Variants in FMN2 observed in about 807,000 individuals in gnomAD.
FMN2 encodes the protein formin-2.
Under a neutral mutation model 142.3 loss-of-function variants are expected in FMN2, and 51 were observed. The observed-to-expected ratio is 0.36, with a 90% confidence interval of 0.29 to 0.45. FMN2 has a LOEUF of 0.45. Among genes scored for constraint, FMN2 ranks in the 20% least tolerant of loss-of-function variants. The pLI is 1.00. For synonymous variants in FMN2, 882 were observed against 869.8 expected (o/e 1.01, Z -0.25); for missense variants, 1,936 against 2,122.8 (o/e 0.91, Z 1.73).
At chr1:240,131,663 C>T (rs924063868) in intron 2 of FMN2, among the ~76,000 whole-genome samples, 4 of 151,864 alleles carry the variant, frequency 2.6e-5, no homozygotes, top group South Asian at 2.1e-4. Flanking sequence ...GAGCCAAGAT[C>T]GCACTATTGC....
At position 240,207,567 on chromosome 1, in the gene FMN2, G is replaced by C; in HGVS notation, c.2755G>C (p.Gly919Arg). The C allele has an allele frequency of 6.2e-7, 1 of 1,606,408 alleles. No individual in the cohort carries two copies. Among genetic ancestry groups the C allele is most frequent in the East Asian group, 2.3e-5 (1 of 44,286 alleles). The part of the protein sequence containing the change: ...PPPPPPLPGA[G>R]IPPPPPLPGA... ...CCCTCCCCCTCCTCTTCCCGGAGCGGGCATACCTCCTCCGCCGCCTCTACC... is the reference window on the plus strand; with the variant it reads ...CCCTCCCCCTCCTCTTCCCGGAGCGCGCATACCTCCTCCGCCGCCTCTACC... The change falls in exon 5 of 18, where the codon GGC becomes CGC. Residue 919 changes from glycine (G) to arginine (R), a missense_variant. By Grantham distance (125) the Gly-to-Arg change is moderately radical (BLOSUM62 -2). This residue lies in a region of FMN2 where 478 missense variants were observed against 462.8 expected (regional missense o/e 1.03). Coordinates refer to ENST00000319653, the MANE Select transcript of FMN2 (RefSeq NM_020066.5).
At chr1:240,326,494 CT>C (rs147933311) in intron 8 of FMN2, among the ~76,000 whole-genome samples, 14,329 of 152,180 alleles carry the variant, frequency 0.094, 870 homozygotes, top group Admixed American at 0.2. Context: ...AATTATTACT[CT>C]GATTTACTTT....
intron 7 of FMN2, among the ~76,000 whole-genome samples, chr1:240,268,112 T>C (rs1481517065): frequency 6.6e-6 from 1 of 152,004 alleles, no homozygotes; most frequent in Non-Finnish European, 1.5e-5. Context: ...CAACTCTCAT[T>C]AGACCCAGTG....
intron 2 of FMN2, among the ~76,000 whole-genome samples, chr1:240,151,986 C>A (rs1474088834): frequency 6.6e-6 from 1 of 152,008 alleles, no homozygotes; most frequent in African/African-American, 2.4e-5. Flanking sequence ...AGGCTGCTCT[C>A]GAACTCCTGG....
intron 8 of FMN2, among the ~76,000 whole-genome samples, chr1:240,296,934 CA>C (rs1334125521): frequency 6.6e-5 from 10 of 152,154 alleles, no homozygotes; most frequent in Non-Finnish European, 1.5e-4. Flanking sequence ...TTAGTATATT[CA>C]CATTCCAATG....
intron 8 of FMN2, among the ~76,000 whole-genome samples, chr1:240,303,605 T>A (rs1287606215): frequency 6.6e-6 from 1 of 152,226 alleles, no homozygotes; most frequent in Non-Finnish European, 1.5e-5. Flanking sequence ...TGACTTTGTC[T>A]TTCAAAAGTT....
rs73124161 is a variant in FMN2 at position 240,335,362 on chromosome 1, A to G, written c.4765+1133A>G. Among the ~76,000 whole-genome samples the G allele has an allele frequency of 3.7e-3, 565 of 151,002 alleles. 6 individuals carry two copies. The highest frequency in any genetic ancestry group is 0.013 in the African/African-American group (540 of 40,340). On this transcript the variant is annotated intron_variant, in intron 13 of 17. Transcript: ENST00000319653. ...CTTGCTCTGTTTTTCATACAATAAT[A>G]ATAAATAAAACTATGTTACATTTGT...
chr1:240,280,199 T>C (rs1669351106), intron 7 of FMN2, among the ~76,000 whole-genome samples: 1 of 152,178 alleles, frequency 6.6e-6, no homozygotes, highest in Non-Finnish European at 1.5e-5. Flanking sequence ...AATGTTTACA[T>C]ATACTAAAGA....
At position 240,188,354 on chromosome 1, in the gene FMN2, G is replaced by A. The variant is rs943701933; in HGVS notation, c.1986+92G>A. On this transcript the variant is annotated intron_variant, in intron 4 of 17. Coordinates refer to ENST00000319653, the MANE Select transcript of FMN2 (RefSeq NM_020066.5). ...CTGCGATTTATCTTTCCATCTGCCC[G>A]GCTGGCTAGGATGCCCTTGTTTTCC... The A allele has an allele frequency of 5.9e-5, 80 of 1,359,426 alleles. 1 individual carries two copies. The South Asian group carries it at 6.9e-4, about 12-fold the overall frequency. 84.2% of individuals were successfully genotyped at this position (1,359,426 alleles called of 1,614,324 possible). A position where few individuals can be genotyped will look rare whatever the true frequency, so the allele number is the denominator to read the frequency against.
chr1:240,249,618 G>A (rs950926571), intron 6 of FMN2, among the ~76,000 whole-genome samples: 1 of 151,870 alleles, frequency 6.6e-6, no homozygotes, highest in Admixed American at 6.6e-5. Context: ...AGAATTTTAC[G>A]GTTGCTTTTG....
chr1:240,141,688 G>T (rs1382440182), intron 2 of FMN2, among the ~76,000 whole-genome samples: 1 of 152,080 alleles, frequency 6.6e-6, no homozygotes, highest in Non-Finnish European at 1.5e-5. Flanking sequence ...TAAACATCAT[G>T]GTGAAATGAG....
At chr1:240,264,464 G>C (rs946686220) in intron 7 of FMN2, among the ~76,000 whole-genome samples, 1 of 152,044 alleles carries the variant, frequency 6.6e-6, no homozygotes, top group African/African-American at 2.4e-5. Context: ...TACATGCCAT[G>C]GTGGTTTGTT....
intron 8 of FMN2, among the ~76,000 whole-genome samples, chr1:240,298,842 C>G (rs1670087137): frequency 6.6e-6 from 1 of 152,096 alleles, no homozygotes; most frequent in Non-Finnish European, 1.5e-5. Flanking sequence ...TTGTTGAAAT[C>G]TTATAGTACT....
chr1:240,167,827 A>C (rs1664540721), intron 2 of FMN2, among the ~76,000 whole-genome samples: 1 of 152,206 alleles, frequency 6.6e-6, no homozygotes, highest in African/African-American at 2.4e-5. Flanking sequence ...CTGTAATCCC[A>C]GCACTTTGGG....
At chr1:240,340,645 C>T (rs932313131) in intron 13 of FMN2, among the ~76,000 whole-genome samples, 2 of 152,134 alleles carry the variant, frequency 1.3e-5, no homozygotes, top group Admixed American at 1.3e-4. Flanking sequence ...GAGTTCTAGA[C>T]TGACTGACTT....
chr1:240,285,813 AGT>A (rs1669570495), intron 7 of FMN2, among the ~76,000 whole-genome samples: 1 of 152,202 alleles, frequency 6.6e-6, no homozygotes, highest in South Asian at 2.1e-4. Context: ...GGGTTTAGGA[AGT>A]GATGGGCAGA....
At chr1:240,400,484 G>A (rs1673938943) in intron 15 of FMN2, among the ~76,000 whole-genome samples, 1 of 152,214 alleles carries the variant, frequency 6.6e-6, no homozygotes, top group South Asian at 2.1e-4. Flanking sequence ...CGAGTTAACT[G>A]CTTCTAGGAC....
chr1:240,325,208 C>T (rs931937321), intron 8 of FMN2, among the ~76,000 whole-genome samples: 1 of 151,674 alleles, frequency 6.6e-6, no homozygotes, highest in African/African-American at 2.4e-5. Flanking sequence ...AAAAACAAAA[C>T]TTAGCTGGAG....
In FMN2 at chr1:240,150,715, AT is replaced by A. The variant is rs1244429186; in HGVS notation, c.1783-27203del. On this transcript the variant is annotated intron_variant, in intron 2 of 17. Transcript: ENST00000319653. Reference sequence around the variant, plus strand: ...CTTTGCTGAGGGTTTTACACATGTCATTTGATCTTTAACACCCCTTGGAGGT... The same window carrying A: ...CTTTGCTGAGGGTTTTACACATGTCATTGATCTTTAACACCCCTTGGAGGT... 3.9e-5 allele frequency among the ~76,000 whole-genome samples: 6 copies of A among 152,246 alleles called. No individual in the cohort carries two copies. In the East Asian group the frequency reaches 1.2e-3, roughly 29 times the overall value.
Sources: gnomAD v4.1 joint callset for allele counts (sites outside exome capture counted in the v4.1 genomes callset) on GRCh38, gnomAD v4.1.1 for gene constraint, gnomAD v4.1.1 regional missense constraint, MANE v1.5 for transcripts, NCBI Gene and HGNC (gene_info 2026-07-23, HGNC 2026-07-21) for gene names.